Variants in RYR2 observed in about 807,000 individuals in gnomAD.
RYR2 encodes the protein ryanodine receptor 2, also known as cardiac muscle ryanodine receptor-calcium release channel.
In RYR2, 227 loss-of-function variants were observed where a neutral mutation model predicts 601.1. The ratio of observed to expected loss-of-function variants is 0.38; its 90% CI spans 0.34 to 0.42. The LOEUF (loss-of-function observed/expected upper bound fraction) is 0.42. Among genes scored for constraint, RYR2 ranks in the 10% least tolerant of loss-of-function variants. The pLI is 1.00. For synonymous variants in RYR2, 2,223 were observed against 2,175.1 expected, an observed-to-expected ratio of 1.02 and a Z score of -0.61; for missense variants, 4,646 against 6,156.5, an observed-to-expected ratio of 0.75 and a Z score of 8.21.
rs1681178597 is a variant in RYR2, at chr1:237,639,094, A to G, written c.7008A>G (p.Arg2336=). 5 of 1,613,886 alleles carry G rather than the reference A, an allele frequency of 3.1e-6. No homozygotes were observed. The East Asian group carries it at 1.1e-4, about 36-fold the overall frequency. The part of the protein sequence containing the change: ...RRPECFGPAL[R]GEGGNGLLAA... ...CTGAGTGTTTTGGTCCTGCTTTGAGAGGAGAAGGTGGGAATGGGCTTCTTG... is the reference window on the plus strand; with the variant it reads ...CTGAGTGTTTTGGTCCTGCTTTGAGGGGAGAAGGTGGGAATGGGCTTCTTG... Residue 2336 remains arginine (R), a synonymous_variant, in exon 46 of 105, where the codon AGA becomes AGG. Transcript: ENST00000366574.
chr1:237,301,903 G>C (rs1263093586), intron 2 of RYR2, among the ~76,000 whole-genome samples: 1 of 152,184 alleles, frequency 6.6e-6, no homozygotes, highest in Non-Finnish European at 1.5e-5. Flanking sequence ...TAAAGTGCGT[G>C]TGATAAAACC....
chr1:237,208,486 T>C (rs1332024187), intron 1 of RYR2, among the ~76,000 whole-genome samples: 1 of 152,212 alleles, frequency 6.6e-6, no homozygotes, highest in Non-Finnish European at 1.5e-5. Context: ...CAGTATATGC[T>C]TCTTGGGATG....
chr1:237,129,716 A>G (rs1267209008), intron 1 of RYR2, among the ~76,000 whole-genome samples: 3 of 150,274 alleles, frequency 2.0e-5, no homozygotes, highest in Admixed American at 1.3e-4. Flanking sequence ...AATGATACAT[A>G]TATATAGTAT....
At chr1:237,818,664 C>T (rs1662103626) in intron 100 of RYR2, among the ~76,000 whole-genome samples, 1 of 151,418 alleles carries the variant, frequency 6.6e-6, no homozygotes, top group South Asian at 2.1e-4. Context: ...CTGTTATGTC[C>T]AAAATAACCA....
At chr1:237,353,553 A>G (rs1364799876) in intron 3 of RYR2, among the ~76,000 whole-genome samples, 1 of 151,300 alleles carries the variant, frequency 6.6e-6, no homozygotes, top group African/African-American at 2.4e-5. Context: ...TAGAGATGTC[A>G]TTTGAATTAT....
rs1680718927 is a variant in RYR2 at position 237,634,901 on chromosome 1, T to C, written c.6701T>C (p.Met2234Thr). The C allele has an allele frequency of 6.2e-7, 1 of 1,606,600 alleles. No individual in the cohort carries two copies. Among genetic ancestry groups the C allele is most frequent in the Non-Finnish European group, 8.5e-7 (1 of 1,176,028 alleles). The change falls in exon 44 of 105, where the codon ATG becomes ACG. Residue 2234 changes from methionine (M) to threonine (T), a missense_variant. This residue lies in a region of RYR2 where 137 missense variants were observed against 273.6 expected (regional missense o/e 0.50). Transcript: ENST00000366574. ...NSSVGLASPA[M>T]RGSTPLDVAA... ...TTTGAATTAATAGCCTCCCCAGCTATGAGAGGTTCAACACCACTGGATGTG... is the reference window on the plus strand; with the variant it reads ...TTTGAATTAATAGCCTCCCCAGCTACGAGAGGTTCAACACCACTGGATGTG...
chr1:237,075,227 A>T (rs185275570), intron 1 of RYR2, among the ~76,000 whole-genome samples: 8 of 152,108 alleles, frequency 5.3e-5, no homozygotes, highest in Non-Finnish European at 1.2e-4. Context: ...TAGAGGGGGA[A>T]AAATATGAGA....
intron 2 of RYR2, among the ~76,000 whole-genome samples, chr1:237,308,700 A>C (rs1455597753): frequency 1.3e-5 from 2 of 152,188 alleles, no homozygotes; most frequent in Non-Finnish European, 2.9e-5. Flanking sequence ...CAGCTCATAA[A>C]AGCAGTGCAG....
chr1:237,738,052 T>G (rs543148018), intron 79 of RYR2, among the ~76,000 whole-genome samples: 1 of 152,192 alleles, frequency 6.6e-6, no homozygotes, highest in Non-Finnish European at 1.5e-5. Context: ...GAACTTTCAC[T>G]TGGCCTTCAT....
chr1:237,544,757 T>C (rs767621104), intron 25 of RYR2, among the ~76,000 whole-genome samples: 7 of 152,188 alleles, frequency 4.6e-5, no homozygotes, highest in Non-Finnish European at 1.0e-4. Context: ...ACAATTTGAT[T>C]CTTAGCTCCT....
Position 237,106,707 on chromosome 1 carries a change from T to C in RYR2, c.48+64138T>C, listed in dbSNP as rs971533992. ...GCACCTTCGTCCATTTGGGCTGCTATAACAAAATGCCATGGACTGGGAGGC... is the reference window on the plus strand; with the variant it reads ...GCACCTTCGTCCATTTGGGCTGCTACAACAAAATGCCATGGACTGGGAGGC... On this transcript the variant is annotated intron_variant, in intron 1 of 104. Coordinates refer to ENST00000366574, the MANE Select transcript of RYR2 (RefSeq NM_001035.3). The surrounding 1 kb of genome is among the most constrained non-coding windows in gnomAD (Gnocchi z 4.4). Among the ~76,000 whole-genome samples the C allele has an allele frequency of 9.9e-5, 15 of 152,204 alleles. No homozygotes were observed. Among genetic ancestry groups the C allele is most frequent in the African/African-American group, 3.1e-4 (13 of 41,462 alleles).
intron 97 of RYR2, among the ~76,000 whole-genome samples, chr1:237,801,067 C>G (rs1161832015): frequency 1.8e-4 from 28 of 152,058 alleles, no homozygotes; most frequent in Admixed American, 1.8e-3. Context: ...TTTAAAAGCT[C>G]TTTCATTTAT....
chr1:237,444,954 A>C (rs1317634984), intron 13 of RYR2, among the ~76,000 whole-genome samples: 1 of 152,172 alleles, frequency 6.6e-6, no homozygotes, highest in African/African-American at 2.4e-5. Flanking sequence ...GCTTTGTACC[A>C]AGTTTGCTTA....
rs76058158 is a variant in RYR2 at position 237,089,728 on chromosome 1, C to T, written c.48+47159C>T. On this transcript the variant is annotated intron_variant, in intron 1 of 104. Transcript: ENST00000366574. ...TCCTTTTAGCTAATCCCAGTGTATC[C>T]CACGTGATGCTGAAATGCAAAATGC... Among the ~76,000 whole-genome samples, 300 of 152,176 alleles carry T rather than the reference C, an allele frequency of 2.0e-3. 2 individuals are homozygous for T. Among genetic ancestry groups the T allele is most frequent in the African/African-American group, 7.0e-3 (289 of 41,520 alleles).
intron 97 of RYR2, among the ~76,000 whole-genome samples, chr1:237,799,343 C>T (rs73103993): frequency 0.061 from 9,322 of 152,070 alleles, 374 homozygotes; most frequent in African/African-American, 0.12. Flanking sequence ...AGATCCTTAA[C>T]AAGCAATATA....
At chr1:237,710,487 T>C (rs1320198813) in intron 70 of RYR2, among the ~76,000 whole-genome samples, 1 of 152,156 alleles carries the variant, frequency 6.6e-6, no homozygotes. Context: ...TCAAACTTAA[T>C]AGCAAACTTT....
chr1:237,465,329 A>T (rs1659950776), intron 16 of RYR2, among the ~76,000 whole-genome samples: 1 of 152,162 alleles, frequency 6.6e-6, no homozygotes, highest in Non-Finnish European at 1.5e-5. Flanking sequence ...CTAAATTTAT[A>T]TTGCTAAATT....
At chr1:237,818,886 T>A (rs1662126952) in intron 100 of RYR2, 150 bp from the exon 101 acceptor site, 1 of 662,106 alleles carries the variant, frequency 1.5e-6, no homozygotes, top group African/African-American at 1.8e-5. Flanking sequence ...GCTTCACAAC[T>A]AGAAATACTG....
chr1:237,364,787 G>A (rs1700063465), intron 5 of RYR2, among the ~76,000 whole-genome samples: 1 of 151,884 alleles, frequency 6.6e-6, no homozygotes, highest in Non-Finnish European at 1.5e-5. Flanking sequence ...TTCACTCTGG[G>A]GATTATGTTG....
Sources: gnomAD v4.1 joint callset for allele counts (sites outside exome capture counted in the v4.1 genomes callset) on GRCh38, gnomAD v4.1.1 for gene constraint, gnomAD v4.1.1 regional missense constraint, Gnocchi (gnomAD v3.1) non-coding constraint, MANE v1.5 for transcripts, NCBI Gene and HGNC (gene_info 2026-07-23, HGNC 2026-07-21) for gene names.